The following SMARCC1 variants were observed in gnomAD, a reference collection of about 807,000 sequenced individuals.
SMARCC1 encodes the protein SWI/SNF complex subunit SMARCC1.
In SMARCC1, 43 loss-of-function variants were observed where a neutral mutation model predicts 147.4. The observed-to-expected ratio is 0.29, with a 90% CI of 0.23 to 0.38. SMARCC1 has a LOEUF of 0.38. Among genes scored for constraint, SMARCC1 ranks in the 10% least tolerant of loss-of-function variants. The probability of loss-of-function intolerance (pLI) is 1.00; values close to 1 mark genes in which losing one functional copy is unlikely to be tolerated. For synonymous variants in SMARCC1, 495 were observed against 484.4 expected, an observed-to-expected ratio of 1.02 and a Z score of -0.29; for missense variants, 1,119 against 1,381.1, an observed-to-expected ratio of 0.81 and a Z score of 3.01.
chr3:47,772,699 TTGC>T, intron 2 of SMARCC1, 115 bp downstream of exon 2: 2 of 1,014,430 alleles, frequency 2.0e-6, no homozygotes, highest in Non-Finnish European at 2.8e-6. Context: ...AATTTGTTTT[TTGC>T]TTTTTTTTTT....
chr3:47,636,368 G>A (rs909966799), intron 22 of SMARCC1, among the ~76,000 whole-genome samples: 1 of 152,196 alleles, frequency 6.6e-6, no homozygotes, highest in African/African-American at 2.4e-5. Flanking sequence ...GCACAGAGTC[G>A]CTGCCCTCTC....
chr3:47,713,165 A>G (rs1024357491), intron 8 of SMARCC1, among the ~76,000 whole-genome samples: 3 of 151,936 alleles, frequency 2.0e-5, no homozygotes, highest in Non-Finnish European at 4.4e-5. Flanking sequence ...TACTAAAAAA[A>G]GAAAAATTAG....
At chr3:47,617,568 T>G (rs1159892346) in intron 25 of SMARCC1, among the ~76,000 whole-genome samples, 1 of 152,264 alleles carries the variant, frequency 6.6e-6, no homozygotes, top group East Asian at 1.9e-4. Context: ...GCCAGGCATA[T>G]GCCATACTTC....
chr3:47,680,571 G>A lies in SMARCC1; in HGVS notation c.1386-63C>T, dbSNP rs776618550. 1.4e-3 allele frequency: 1,059 copies of A among 753,874 alleles called. 2 individuals are homozygous for A. Among genetic ancestry groups the A allele is most frequent in the Non-Finnish European group, 1.8e-3 (932 of 531,220 alleles). The allele number at this position is 753,874 out of a possible 1,614,324, so 46.7% of individuals were successfully genotyped here. On this transcript the variant is annotated intron_variant, in intron 14 of 27. Coordinates refer to ENST00000254480, the MANE Select transcript of SMARCC1 (RefSeq NM_003074.4). The stretch of plus-strand genomic sequence containing the variant: ...TTTTTTTTTTTTTTTTTTTTGAGAC[G>A]GAGTCTCGCTCTGTCGCCCAGGCTG...
intron 24 of SMARCC1, among the ~76,000 whole-genome samples, chr3:47,633,289 G>C (rs529590061): frequency 6.6e-6 from 1 of 152,300 alleles, no homozygotes; most frequent in African/African-American, 2.4e-5. Flanking sequence ...TGAGTGAGCA[G>C]TTGAACATTA....
At chr3:47,645,899 G>C (rs1165199321) in intron 21 of SMARCC1, among the ~76,000 whole-genome samples, 1 of 152,226 alleles carries the variant, frequency 6.6e-6, no homozygotes, top group East Asian at 1.9e-4. Context: ...AGTACAGATA[G>C]AGACAGACTC....
At chr3:47,703,225 C>T (rs927211718) in intron 10 of SMARCC1, among the ~76,000 whole-genome samples, 14 of 152,172 alleles carry the variant, frequency 9.2e-5, no homozygotes, top group African/African-American at 2.9e-4. Context: ...TGGGCCATCA[C>T]GCCCGGCCTC....
chr3:47,772,928 A>G lies in SMARCC1; in HGVS notation c.204T>C (p.His68=), dbSNP rs546753729. ...WLGKHYKKYV[H]ADAPTNKTLA... ...GTGTTTTATTGGTAGGAGCATCCGC[A>G]TGAACATACTGCAAGATAAAGACAG... is the stretch of plus-strand genomic sequence containing the variant. Residue 68 remains histidine (H), a synonymous_variant, in exon 2 of 28, where the codon CAT becomes CAC. Coordinates refer to ENST00000254480, the MANE Select transcript of SMARCC1 (RefSeq NM_003074.4). 8 of 1,611,920 alleles carry G rather than the reference A, an allele frequency of 5.0e-6. No individual in the cohort carries two copies. The African/African-American group carries it at 8.0e-5, about 16-fold the overall frequency.
At chr3:47,661,255 A>G in intron 21 of SMARCC1, 39 bp downstream of exon 21, 1 of 1,536,806 alleles carries the variant, frequency 6.5e-7, no homozygotes, top group African/African-American at 1.4e-5. Flanking sequence ...GAATACAAAC[A>G]TATATTAACC....
chr3:47,776,802 T>C (rs2034980359), intron 1 of SMARCC1, among the ~76,000 whole-genome samples: 1 of 152,002 alleles, frequency 6.6e-6, no homozygotes, highest in South Asian at 2.1e-4. Context: ...TAAACCGAGT[T>C]TTGATCTTGT....
intron 7 of SMARCC1, among the ~76,000 whole-genome samples, chr3:47,715,044 T>C (rs1219393473): frequency 2.0e-5 from 3 of 152,162 alleles, no homozygotes; most frequent in African/African-American, 4.8e-5. Flanking sequence ...ATAGTCCTTA[T>C]ATTCACCAGC....
At chr3:47,768,134 G>C (rs2034863336) in intron 2 of SMARCC1, among the ~76,000 whole-genome samples, 1 of 152,034 alleles carries the variant, frequency 6.6e-6, no homozygotes, top group Non-Finnish European at 1.5e-5. Context: ...GCCATGCCCA[G>C]CATAAACTCT....
rs192890754 is a variant in SMARCC1 at position 47,771,831 on chromosome 3, C to T, written c.315+986G>A. ...GTGTGGTGGCTCACACCTGTACTCCCGGCACTTTGGGAGGCCGAGGTGGGT... is the reference window on the plus strand; with the variant it reads ...GTGTGGTGGCTCACACCTGTACTCCTGGCACTTTGGGAGGCCGAGGTGGGT... On this transcript the variant is annotated intron_variant, in intron 2 of 27. Coordinates refer to ENST00000254480, the MANE Select transcript of SMARCC1 (RefSeq NM_003074.4). Among the ~76,000 whole-genome samples the T allele has an allele frequency of 1.0e-3, 154 of 150,800 alleles. 1 individual carries two copies. Among genetic ancestry groups the T allele is most frequent in the African/African-American group, 3.5e-3 (143 of 41,030 alleles).
chr3:47,716,280 T>C (rs2034154302), intron 7 of SMARCC1, among the ~76,000 whole-genome samples: 1 of 151,354 alleles, frequency 6.6e-6, no homozygotes, highest in South Asian at 2.1e-4. Flanking sequence ...TAGCGGGGCG[T>C]TGTAGTGTGC....
chr3:47,748,203 A>G (rs1355997264), intron 2 of SMARCC1, among the ~76,000 whole-genome samples: 1 of 152,104 alleles, frequency 6.6e-6, no homozygotes, highest in East Asian at 1.9e-4. Context: ...TTGTAAGTGA[A>G]CACTTTTATT....
At position 47,602,313 on chromosome 3, in the gene SMARCC1, TAA is replaced by T. The variant is rs1210278327; in HGVS notation, c.3043+7751_3043+7752del. 2.6e-5 allele frequency among the ~76,000 whole-genome samples: 4 copies of T among 152,090 alleles called. No individual in the cohort carries two copies. In the East Asian group the frequency reaches 7.8e-4, roughly 30 times the overall value. On this transcript the variant is annotated intron_variant, in intron 26 of 27. Coordinates refer to ENST00000254480, the MANE Select transcript of SMARCC1 (RefSeq NM_003074.4). The stretch of plus-strand genomic sequence containing the variant: ...TCTCAAAAAAAAGTTCCAGTTTTTT[TAA>T]AAGACAGGGTCTTGCTCTATCGCCC...
chr3:47,638,737 C>T lies in SMARCC1; in HGVS notation c.2364G>A (p.Gln788=), dbSNP rs1160249670. The part of the protein sequence containing the change: ...EEKMEADPDG[Q]QPEKAENKVE... ...TGTGAGACTTTACCTTTTCAGGCTGCTGACCATCAGGGTCGGCTTCCATTT... is the reference window on the plus strand; with the variant it reads ...TGTGAGACTTTACCTTTTCAGGCTGTTGACCATCAGGGTCGGCTTCCATTT... Residue 788 remains glutamine, a synonymous_variant, in exon 22 of 28, where the codon CAG becomes CAA. Coordinates refer to ENST00000254480, the MANE Select transcript of SMARCC1 (RefSeq NM_003074.4). 7.4e-6 allele frequency: 12 copies of T among 1,612,964 alleles called. No homozygotes were observed. The highest frequency in any genetic ancestry group is 1.3e-5 in the African/African-American group (1 of 74,896).
At chr3:47,714,866 C>T (rs889141389) in intron 7 of SMARCC1, among the ~76,000 whole-genome samples, 2 of 152,112 alleles carry the variant, frequency 1.3e-5, no homozygotes, top group African/African-American at 2.4e-5. Context: ...TTATCAGACA[C>T]TTTTGTCCTT....
intron 21 of SMARCC1, among the ~76,000 whole-genome samples, chr3:47,647,416 A>T (rs954774697): frequency 2.0e-5 from 3 of 152,216 alleles, no homozygotes; most frequent in African/African-American, 7.2e-5. Context: ...GAGCATGTTG[A>T]AGGTAGACTA....
Sources: gnomAD v4.1 joint callset for allele counts (sites outside exome capture counted in the v4.1 genomes callset) on GRCh38, gnomAD v4.1.1 for gene constraint, MANE v1.5 for transcripts, NCBI Gene and HGNC (gene_info 2026-07-23, HGNC 2026-07-21) for gene names.